The following LARS2 variants were observed in gnomAD, a reference collection of about 807,000 sequenced individuals.
The protein encoded by LARS2 is leucine--tRNA ligase, mitochondrial.
In LARS2, 81 loss-of-function variants were observed where a neutral mutation model predicts 116.6. The ratio of observed to expected loss-of-function variants is 0.69; its 90% CI spans 0.58 to 0.84. The LOEUF (loss-of-function observed/expected upper bound fraction) is 0.84, where lower values mean the gene tolerates loss of function less well. Among genes scored for constraint, LARS2 ranks in the 40% least tolerant of loss-of-function variants. The pLI is 0.00. For synonymous variants in LARS2, 396 were observed against 407.2 expected (o/e 0.97, Z 0.33); for missense variants, 968 against 1,114.5 (o/e 0.87, Z 1.87).
chr3:45,536,237 T>G (rs891082200), intron 20 of LARS2, among the ~76,000 whole-genome samples: 4 of 152,210 alleles, frequency 2.6e-5, no homozygotes, highest in African/African-American at 9.6e-5. Context: ...TCCTCCCGCC[T>G]CAGCCTCCTG....
intron 9 of LARS2, 139 bp from the exon 10 acceptor site, chr3:45,476,329 C>T (rs1699608391): frequency 3.5e-6 from 3 of 859,958 alleles, no homozygotes; most frequent in Non-Finnish European, 1.9e-6. Flanking sequence ...CATCTCAATC[C>T]CCACACCCCT....
intron 15 of LARS2, among the ~76,000 whole-genome samples, chr3:45,502,203 C>T (rs561946858): frequency 6.6e-6 from 1 of 152,008 alleles, no homozygotes; most frequent in South Asian, 2.1e-4. Context: ...GTGATCAAAT[C>T]CCTGTTTGTA....
rs1559503639 is a variant in LARS2, at chr3:45,547,485, C to T, written c.2667C>T (p.Phe889=). The change falls in exon 22 of 22, where the codon TTC becomes TTT. Residue 889 remains phenylalanine, a synonymous_variant. Transcript: ENST00000645846. ...LLQGRSIKKS[F]LSPRTALINF... is the part of the protein sequence containing the mutation. ...AAGGACGAAGCATCAAGAAGTCCTT[C>T]CTTTCCCCGAGAACTGCCCTCATCA... The T allele has an allele frequency of 6.2e-7, 1 of 1,612,896 alleles. No individual in the cohort carries two copies. The highest frequency in any genetic ancestry group is 2.2e-5 in the East Asian group (1 of 44,800).
At position 45,394,400 on chromosome 3, in the gene LARS2, A is replaced by C. The variant is rs542638720; in HGVS notation, c.-21-33A>C. 40 of 1,274,886 alleles carry C rather than the reference A, an allele frequency of 3.1e-5. No individual in the cohort carries two copies. In the African/African-American group the frequency reaches 5.0e-4, roughly 16 times the overall value. The allele number at this position is 1,274,886 out of a possible 1,614,324, so 79.0% of individuals were successfully genotyped here. ...ATAAGCTCTGGGGAGGGTTTGAGGC[A>C]GCTCATAGTGTGCTTTCTGCCCTCT... On this transcript the variant is annotated intron_variant, in intron 2 of 21. Transcript: ENST00000645846.
intron 6 of LARS2, among the ~76,000 whole-genome samples, chr3:45,428,185 A>T (rs1447775799): frequency 6.8e-6 from 1 of 147,738 alleles, no homozygotes; most frequent in African/African-American, 2.5e-5. Flanking sequence ...TTCTTTTTCT[A>T]GGATTTTTAA....
At chr3:45,534,852 A>G (rs1433086804) in intron 20 of LARS2, among the ~76,000 whole-genome samples, 1 of 152,218 alleles carries the variant, frequency 6.6e-6, no homozygotes, top group African/African-American at 2.4e-5. Flanking sequence ...GGATGAGGAA[A>G]TCTTTTTTTC....
rs1700392993 is a variant in LARS2 at position 45,517,864 on chromosome 3, G to T, written c.2045-39G>T. The T allele has an allele frequency of 6.4e-6, 10 of 1,561,992 alleles. No individual in the cohort carries two copies. In the East Asian group the frequency reaches 1.8e-4, roughly 28 times the overall value. ...ATACCAAGTCAATCACCCTTATGTT[G>T]CACGCTCTCTCTTTCTCATTTACTG... On this transcript the variant is annotated intron_variant, in intron 17 of 21. Transcript: ENST00000645846.
In LARS2 at chr3:45,516,140, G is replaced by T; in HGVS notation, c.1908G>T (p.Thr636=). ...HAKTKEKLEV[T]WEKMSKSKHN... ...AAACGAAAGAGAAGTTAGAGGTGAC[G>T]TGGGAGAAGATGAGTAAGTCCAAAC... The change falls in exon 17 of 22, where the codon ACG becomes ACT. Residue 636 remains threonine, a synonymous_variant. Coordinates refer to ENST00000645846, the MANE Select transcript of LARS2 (RefSeq NM_015340.4). 2 of 1,614,196 alleles carry T rather than the reference G, an allele frequency of 1.2e-6. No homozygotes were observed. Among genetic ancestry groups the T allele is most frequent in the Non-Finnish European group, 8.5e-7 (1 of 1,180,026 alleles).
In LARS2 at chr3:45,419,610, G is replaced by GT. The variant is rs11383389; in HGVS notation, c.456-57dup. ...TTTCCCTTTACATTCTCAAAGTGTA[G>GT]TTGTGTATGGCTTTAATCCCCTCTC... On this transcript the variant is annotated intron_variant, in intron 5 of 21. Coordinates refer to ENST00000645846, the MANE Select transcript of LARS2 (RefSeq NM_015340.4). 856,228 of 1,210,458 alleles carry GT rather than the reference G, an allele frequency of 0.71. 311,373 individuals are homozygous for GT. The highest frequency in any genetic ancestry group is 0.92 in the African/African-American group (61,366 of 66,992). The allele number at this position is 1,210,458 out of a possible 1,614,324, so 75.0% of individuals were successfully genotyped here.
At chr3:45,503,407 C>A (rs1296823265) in intron 15 of LARS2, among the ~76,000 whole-genome samples, 1 of 152,004 alleles carries the variant, frequency 6.6e-6, no homozygotes, top group African/African-American at 2.4e-5. Context: ...TTCTAGACTC[C>A]CAAGGTTGCT....
chr3:45,529,025 C>T (rs535793832), intron 20 of LARS2, among the ~76,000 whole-genome samples: 163 of 152,140 alleles, frequency 1.1e-3, no homozygotes, highest in Middle Eastern at 6.8e-3. Context: ...CCTGCCACCA[C>T]GCCTGGCTAA....
chr3:45,516,300 C>T, intron 17 of LARS2, 24 bp downstream of exon 17: 4 of 1,603,956 alleles, frequency 2.5e-6, no homozygotes, highest in South Asian at 1.1e-5. Context: ...CTCTTCCTGA[C>T]TTGCTTCCTT....
At chr3:45,444,187 G>A (rs1338188050) in intron 6 of LARS2, among the ~76,000 whole-genome samples, 1 of 53,974 alleles carries the variant, frequency 1.9e-5, no homozygotes, top group African/African-American at 5.0e-5. Flanking sequence ...TTTTTTTTTT[G>A]TATTTTTAGT....
intron 20 of LARS2, among the ~76,000 whole-genome samples, chr3:45,529,420 A>G (rs1342952759): frequency 6.6e-6 from 1 of 151,872 alleles, no homozygotes; most frequent in African/African-American, 2.4e-5. Context: ...GTGGTGGCGC[A>G]TGCCTGTAAT....
intron 7 of LARS2, among the ~76,000 whole-genome samples, chr3:45,454,662 T>C (rs1699185872): frequency 6.6e-6 from 1 of 152,176 alleles, no homozygotes; most frequent in South Asian, 2.1e-4. Context: ...GTAGACAGCA[T>C]AAATGCCAAC....
At chr3:45,512,268 C>T (rs1246209638) in intron 15 of LARS2, among the ~76,000 whole-genome samples, 1 of 152,218 alleles carries the variant, frequency 6.6e-6, no homozygotes, top group Non-Finnish European at 1.5e-5. Context: ...ACACGAAATA[C>T]TTAACGTGTG....
intron 8 of LARS2, among the ~76,000 whole-genome samples, chr3:45,467,266 A>G (rs528971096): frequency 1.3e-5 from 2 of 152,328 alleles, no homozygotes; most frequent in East Asian, 3.9e-4. Flanking sequence ...AATAGTCATT[A>G]ACAGATACAT....
At chr3:45,495,159 A>G (rs73830416) in intron 13 of LARS2, 2,215 of 152,294 alleles carry the variant, frequency 0.015, 47 homozygotes, top group African/African-American at 0.046. Flanking sequence ...TCCTTTTTCT[A>G]TGCAACCCTT....
intron 20 of LARS2, among the ~76,000 whole-genome samples, chr3:45,536,754 C>A (rs1215627465): frequency 2.0e-5 from 3 of 152,216 alleles, no homozygotes; most frequent in African/African-American, 7.2e-5. Flanking sequence ...TTCAACGTTA[C>A]AAGAGAGTGT....
Sources: gnomAD v4.1 joint callset for allele counts (sites outside exome capture counted in the v4.1 genomes callset) on GRCh38, gnomAD v4.1.1 for gene constraint, MANE v1.5 for transcripts, NCBI Gene and HGNC (gene_info 2026-07-23, HGNC 2026-07-21) for gene names.